ERC1: variants seen among roughly 807,000 people sequenced by gnomAD.
The protein encoded by ERC1 is ELKS/RAB6-interacting/CAST family member 1.
A neutral mutation model predicts 132.0 loss-of-function variants in ERC1; 56 were observed. That is an observed-to-expected ratio of 0.42 (90% CI 0.34 to 0.53). The LOEUF is 0.53. Among genes scored for constraint, ERC1 ranks in the 20% least tolerant of loss-of-function variants. ERC1 has a pLI of 0.03. For synonymous variants in ERC1, 478 were observed against 476.1 expected, an observed-to-expected ratio of 1.00 and a Z score of -0.05; for missense variants, 1,202 against 1,349.9, an observed-to-expected ratio of 0.89 and a Z score of 1.72.
intron 14 of ERC1, among the ~76,000 whole-genome samples, chr12:1,264,948 G>A (rs2077385383): frequency 6.6e-6 from 1 of 152,094 alleles, no homozygotes; most frequent in Admixed American, 6.5e-5. Flanking sequence ...GAAAGATATG[G>A]TTTCTTTTGT....
chr12:1,014,719 A>G (rs956554722), intron 1 of ERC1, among the ~76,000 whole-genome samples: 1 of 151,818 alleles, frequency 6.6e-6, no homozygotes, highest in Non-Finnish European at 1.5e-5. Flanking sequence ...TGCATGTCAG[A>G]TCTATATCTT....
In ERC1 at chr12:1,270,420, G is replaced by A. The variant is rs1046596032; in HGVS notation, c.2619+7255G>A. 5.9e-5 allele frequency among the ~76,000 whole-genome samples: 9 copies of A among 152,180 alleles called. 2 individuals carry two copies. Among genetic ancestry groups the A allele is most frequent in the Admixed American group, 5.9e-4 (9 of 15,292 alleles). ...AGACGAGGTTTCGTCATGTTGGCCAGGCTGGTCTCAATCCTGACCTCAGGT... is the reference window on the plus strand; with the variant it reads ...AGACGAGGTTTCGTCATGTTGGCCAAGCTGGTCTCAATCCTGACCTCAGGT... On this transcript the variant is annotated intron_variant, in intron 14 of 18. Coordinates refer to ENST00000360905, the MANE Select transcript of ERC1 (RefSeq NM_178040.4).
intron 15 of ERC1, among the ~76,000 whole-genome samples, chr12:1,310,632 A>C (rs1246963895): frequency 6.6e-6 from 1 of 152,258 alleles, no homozygotes; most frequent in Non-Finnish European, 1.5e-5. Flanking sequence ...AGGGTACTGC[A>C]TACAGTCAAA....
intron 2 of ERC1, among the ~76,000 whole-genome samples, chr12:1,042,984 T>G (rs1970502713): frequency 6.6e-6 from 1 of 152,024 alleles, no homozygotes; most frequent in South Asian, 2.1e-4. Flanking sequence ...TATTTTTCTA[T>G]GAAAACATGT....
intron 10 of ERC1, 55 bp from the exon 11 acceptor site, chr12:1,183,226 T>C: frequency 8.0e-7 from 1 of 1,249,110 alleles, no homozygotes; most frequent in Non-Finnish European, 1.1e-6. Flanking sequence ...TTTAAAAATT[T>C]AAACCTCTAT....
At chr12:1,364,772 C>A (rs1425432887) in intron 15 of ERC1, among the ~76,000 whole-genome samples, 1 of 152,180 alleles carries the variant, frequency 6.6e-6, no homozygotes, top group Non-Finnish European at 1.5e-5. Context: ...ATATTAAAAT[C>A]TTAGAGTTGA....
chr12:1,053,444 A>G (rs1177433262), intron 2 of ERC1, among the ~76,000 whole-genome samples: 1 of 152,084 alleles, frequency 6.6e-6, no homozygotes, highest in African/African-American at 2.4e-5. Context: ...GAGTGTATGT[A>G]TTTTTTCATC....
At chr12:1,194,651 A>G (rs1956053430) in intron 12 of ERC1, among the ~76,000 whole-genome samples, 1 of 152,068 alleles carries the variant, frequency 6.6e-6, no homozygotes, top group African/African-American at 2.4e-5. Context: ...TAATACCATG[A>G]CTAATGGATT....
At chr12:1,470,755 G>GGA (rs1173724760) in intron 18 of ERC1, among the ~76,000 whole-genome samples, 1 of 152,218 alleles carries the variant, frequency 6.6e-6, no homozygotes, top group Non-Finnish European at 1.5e-5. Flanking sequence ...TCTTTGTTTA[G>GGA]AATACTCCAC....
intron 12 of ERC1, among the ~76,000 whole-genome samples, chr12:1,219,817 T>G (rs1205530828): frequency 2.6e-5 from 4 of 152,008 alleles, no homozygotes; most frequent in Non-Finnish European, 1.5e-5. Flanking sequence ...TTGTGTTTTT[T>G]GTAGAGACAG....
At chr12:1,097,594 C>A (rs962668949) in intron 3 of ERC1, among the ~76,000 whole-genome samples, 1 of 152,170 alleles carries the variant, frequency 6.6e-6, no homozygotes, top group African/African-American at 2.4e-5. Flanking sequence ...TATTTTGTGG[C>A]AGCTTGCCCT....
Position 1,266,987 on chromosome 12 carries a change from A to G in ERC1, c.2619+3822A>G, listed in dbSNP as rs528501100. On this transcript the variant is annotated intron_variant, in intron 14 of 18. Transcript: ENST00000360905. ...CATAGCTCTTATTAAAATAAGATGT[A>G]GAACCTTCCAAAGTTCGAGCAAGGA... Among the ~76,000 whole-genome samples the G allele has an allele frequency of 2.0e-5, 3 of 152,380 alleles. No homozygotes were observed. In the East Asian group the frequency reaches 5.8e-4, roughly 29 times the overall value.
intron 15 of ERC1, among the ~76,000 whole-genome samples, chr12:1,301,596 G>A (rs1386593077): frequency 6.6e-6 from 1 of 152,066 alleles, no homozygotes; most frequent in African/African-American, 2.4e-5. Flanking sequence ...GTTCTTACAA[G>A]GGGAGCTAAA....
At position 1,083,239 on chromosome 12, in the gene ERC1, GAT is replaced by G; in HGVS notation, c.747_748del (p.Asp249GlufsTer2). 1 of 1,614,220 alleles carries G rather than the reference GAT, an allele frequency of 6.2e-7. No individual in the cohort carries two copies. The highest frequency in any genetic ancestry group is 8.5e-7 in the Non-Finnish European group (1 of 1,180,020). On this transcript the variant is annotated frameshift_variant, in exon 3 of 19. Transcript: ENST00000360905. LOFTEE classifies it high-confidence loss of function. Reference sequence around the variant, plus strand: ...GGACCTGAATCAGCTGTTTCAGCAGGATAGTAGCAGCAGGACTGGCGAACCTT... The same window carrying G: ...GGACCTGAATCAGCTGTTTCAGCAGGAGTAGCAGCAGGACTGGCGAACCTT... ...QRDLNQLFQQ[D>X]SSSRTGEPCV...
intron 2 of ERC1, among the ~76,000 whole-genome samples, chr12:1,078,176 G>T (rs1186100100): frequency 1.3e-5 from 2 of 152,182 alleles, no homozygotes; most frequent in East Asian, 3.8e-4. Context: ...CGAATGGTCA[G>T]AAAAGGAGGA....
At chr12:1,114,110 G>A (rs1946184457) in intron 6 of ERC1, among the ~76,000 whole-genome samples, 1 of 151,922 alleles carries the variant, frequency 6.6e-6, no homozygotes, top group African/African-American at 2.4e-5. Context: ...TGCAACCTCT[G>A]ACTCCCTGGT....
chr12:1,283,779 T>G (rs1360419286), intron 14 of ERC1, among the ~76,000 whole-genome samples: 1 of 152,200 alleles, frequency 6.6e-6, no homozygotes, highest in Non-Finnish European at 1.5e-5. Flanking sequence ...TTAAATTTTT[T>G]AACAATATGT....
At chr12:1,055,340 C>T (rs867472038) in intron 2 of ERC1, among the ~76,000 whole-genome samples, 5 of 151,986 alleles carry the variant, frequency 3.3e-5, no homozygotes, top group Non-Finnish European at 5.9e-5. Context: ...CCACTACACC[C>T]GGCTAATTTT....
chr12:1,018,585 T>C (rs537899872), intron 1 of ERC1, among the ~76,000 whole-genome samples: 2 of 152,356 alleles, frequency 1.3e-5, no homozygotes, highest in African/African-American at 4.8e-5. Context: ...TGTTAAAAAT[T>C]GCTTTCATTA....
Sources: gnomAD v4.1 joint callset for allele counts (sites outside exome capture counted in the v4.1 genomes callset) on GRCh38, gnomAD v4.1.1 for gene constraint, MANE v1.5 for transcripts, NCBI Gene and HGNC (gene_info 2026-07-23, HGNC 2026-07-21) for gene names.